CLSTN2: variants seen among roughly 807,000 people sequenced by gnomAD.
CLSTN2 encodes calsyntenin-2.
A neutral mutation model predicts 101.2 loss-of-function variants in CLSTN2; 48 were observed. The observed-to-expected ratio is 0.47, with a 90% CI of 0.38 to 0.60. CLSTN2 has a LOEUF of 0.60. CLSTN2 is among the 20% of genes least tolerant of loss of function. The pLI, the probability that CLSTN2 is intolerant of heterozygous loss-of-function variation, is 0.00. For missense variants in CLSTN2, 1,160 were observed against 1,238.2 expected (o/e 0.94, Z 0.95); for synonymous variants, 481 against 463.6 (o/e 1.04, Z -0.48).
At chr3:140,097,924 A>G (rs376068456) in intron 1 of CLSTN2, among the ~76,000 whole-genome samples, 73 of 152,326 alleles carry the variant, frequency 4.8e-4, no homozygotes, top group African/African-American at 1.1e-3. Context: ...TACAAATGAA[A>G]GTTTATTTCC....
At chr3:140,111,953 C>A (rs781627628) in intron 1 of CLSTN2, among the ~76,000 whole-genome samples, 8 of 152,184 alleles carry the variant, frequency 5.3e-5, no homozygotes, top group Non-Finnish European at 1.2e-4. Flanking sequence ...AGCCAGTGGT[C>A]TGCAAAAATG....
intron 1 of CLSTN2, among the ~76,000 whole-genome samples, chr3:140,061,645 C>A (rs1388831353): frequency 6.6e-6 from 1 of 152,200 alleles, no homozygotes; most frequent in Non-Finnish European, 1.5e-5. Context: ...TCCTGCCGGG[C>A]TCTAAACCAA....
At chr3:140,090,799 TAGTA>T (rs2008768266) in intron 1 of CLSTN2, among the ~76,000 whole-genome samples, 1 of 151,922 alleles carries the variant, frequency 6.6e-6, no homozygotes, top group Admixed American at 6.5e-5. Flanking sequence ...AGGCTGGACA[TAGTA>T]AGGGCAAGAT....
chr3:140,553,514 T>C (rs1935745395), intron 10 of CLSTN2, among the ~76,000 whole-genome samples: 1 of 152,132 alleles, frequency 6.6e-6, no homozygotes, highest in Non-Finnish European at 1.5e-5. Context: ...GAAGTGAGAA[T>C]CAGGCCTGGG....
chr3:140,472,267 C>G (rs969853050), intron 8 of CLSTN2, among the ~76,000 whole-genome samples: 2 of 152,142 alleles, frequency 1.3e-5, no homozygotes, highest in Non-Finnish European at 2.9e-5. Flanking sequence ...TGGGCCAGAG[C>G]CTTTGCTTAT....
intron 2 of CLSTN2, among the ~76,000 whole-genome samples, chr3:140,312,961 T>C (rs1354450186): frequency 2.0e-5 from 3 of 152,260 alleles, no homozygotes; most frequent in Non-Finnish European, 4.4e-5. Context: ...GTTATTGGTA[T>C]ATTTGTTAAT....
chr3:140,470,236 A>G (rs940374288), intron 8 of CLSTN2, among the ~76,000 whole-genome samples: 6 of 152,270 alleles, frequency 3.9e-5, no homozygotes, highest in Non-Finnish European at 8.8e-5. Flanking sequence ...AGTAGCTAAA[A>G]TAAGAGTCTC....
chr3:140,432,923 G>A (rs1210820704), intron 5 of CLSTN2, among the ~76,000 whole-genome samples: 2 of 152,156 alleles, frequency 1.3e-5, no homozygotes, highest in African/African-American at 4.8e-5. Flanking sequence ...TTGCATGCAC[G>A]TGGTCATTTA....
At chr3:139,945,645 C>T (rs1324042951) in intron 1 of CLSTN2, among the ~76,000 whole-genome samples, 2 of 152,108 alleles carry the variant, frequency 1.3e-5, no homozygotes, top group African/African-American at 2.4e-5. Flanking sequence ...TCAGGAAGAA[C>T]CAGTCAAAAC....
chr3:140,289,338 G>T (rs1466461), intron 2 of CLSTN2, among the ~76,000 whole-genome samples: 54,658 of 147,998 alleles, frequency 0.37, 11,383 homozygotes, highest in Non-Finnish European at 0.49. Flanking sequence ...GTTTTTTTTT[G>T]TTTGTTTGTT....
intron 7 of CLSTN2, among the ~76,000 whole-genome samples, chr3:140,462,168 T>A (rs1452543187): frequency 1.3e-5 from 2 of 151,952 alleles, no homozygotes; most frequent in African/African-American, 4.8e-5. Flanking sequence ...ATATGTAGAA[T>A]GCCTTTAAAC....
intron 2 of CLSTN2, among the ~76,000 whole-genome samples, chr3:140,226,158 A>G (rs946163507): frequency 2.0e-5 from 3 of 152,142 alleles, no homozygotes; most frequent in African/African-American, 7.2e-5. Context: ...CATTTATATA[A>G]CATTCTTAAA....
chr3:140,467,965 T>G (rs1265306275), intron 8 of CLSTN2, among the ~76,000 whole-genome samples: 1 of 152,200 alleles, frequency 6.6e-6, no homozygotes, highest in Non-Finnish European at 1.5e-5. Flanking sequence ...ATGGTGGAAC[T>G]CCAGGCAATG....
At chr3:140,245,831 C>T (rs976111474) in intron 2 of CLSTN2, among the ~76,000 whole-genome samples, 2 of 152,226 alleles carry the variant, frequency 1.3e-5, no homozygotes, top group African/African-American at 2.4e-5. Flanking sequence ...TGGCTTTGGA[C>T]AGTGGCTTTG....
chr3:140,280,172 G>T (rs755392697), intron 2 of CLSTN2, among the ~76,000 whole-genome samples: 3 of 152,220 alleles, frequency 2.0e-5, no homozygotes, highest in Non-Finnish European at 2.9e-5. Flanking sequence ...AATGTGCAAA[G>T]TAGACTACAT....
intron 8 of CLSTN2, among the ~76,000 whole-genome samples, chr3:140,498,101 C>A (rs1240182630): frequency 6.6e-6 from 1 of 152,212 alleles, no homozygotes; most frequent in Admixed American, 6.5e-5. Flanking sequence ...GCGACATGGA[C>A]TGCAGCTGTT....
At chr3:140,525,845 G>A (rs1356271153) in intron 8 of CLSTN2, among the ~76,000 whole-genome samples, 1 of 152,050 alleles carries the variant, frequency 6.6e-6, no homozygotes, top group Non-Finnish European at 1.5e-5. Context: ...AATAGATGCA[G>A]AAAAAGCCTT....
At chr3:140,478,878 GGAA>G (rs1934051953) in intron 8 of CLSTN2, among the ~76,000 whole-genome samples, 2 of 148,294 alleles carry the variant, frequency 1.3e-5, no homozygotes, top group Non-Finnish European at 3.0e-5. Flanking sequence ...GAAGGAGGAA[GGAA>G]GGAAGGAAGG....
At chr3:140,145,949 A>G (rs1000917857) in intron 1 of CLSTN2, among the ~76,000 whole-genome samples, 2 of 152,192 alleles carry the variant, frequency 1.3e-5, no homozygotes, top group Non-Finnish European at 1.5e-5. Flanking sequence ...CATTTCAAAA[A>G]CACTTTTCCA....
Sources: allele counts gnomAD v4.1 joint callset (sites outside exome capture counted in the v4.1 genomes callset), GRCh38; gene constraint gnomAD v4.1.1; transcripts MANE v1.5; gene names NCBI Gene and HGNC (gene_info 2026-07-23, HGNC 2026-07-21).